CHD2: variants seen among roughly 807,000 people sequenced by gnomAD.
CHD2 encodes chromodomain helicase DNA binding protein 2, also known as ATP-dependent chromatin remodeler CHD2.
CHD2 carries 28 observed loss-of-function variants against 243.9 expected under a neutral mutation model. The observed-to-expected ratio is 0.11, with a 90% CI of 0.09 to 0.16. CHD2 has a LOEUF of 0.16. CHD2 is among the 10% of genes least tolerant of loss of function. The pLI is 1.00. For synonymous variants in CHD2, 775 were observed against 779.0 expected, an observed-to-expected ratio of 0.99 and a Z score of 0.09; for missense variants, 1,386 against 2,209.8, an observed-to-expected ratio of 0.63 and a Z score of 7.47.
intron 15 of CHD2, 80 bp downstream of exon 15, chr15:92,955,592 AG>A: frequency 1.2e-6 from 1 of 817,560 alleles, no homozygotes; most frequent in East Asian, 3.1e-5. Flanking sequence ...TGTTCTGTGG[AG>A]CATGTTAGAA....
At chr15:92,981,251 G>A in intron 23 of CHD2, 114 bp from the exon 24 acceptor site, 1 of 668,822 alleles carries the variant, frequency 1.5e-6, no homozygotes, top group Non-Finnish European at 2.6e-6. Flanking sequence ...TATCAGAAAG[G>A]AGAATTGGTT....
chr15:92,975,793 G>A (rs1376047407), intron 20 of CHD2, among the ~76,000 whole-genome samples: 1 of 152,030 alleles, frequency 6.6e-6, no homozygotes, highest in African/African-American at 2.4e-5. Context: ...ATCCTAGTTA[G>A]ACTAGTATTC....
At chr15:92,922,513 C>T (rs766694713) in intron 2 of CHD2, among the ~76,000 whole-genome samples, 3 of 152,114 alleles carry the variant, frequency 2.0e-5, no homozygotes, top group Non-Finnish European at 4.4e-5. Context: ...TGCTGTGGAT[C>T]GCATGGTGTT....
At position 92,940,806 on chromosome 15, in the gene CHD2, A is replaced by T. The variant is rs938055840; in HGVS notation, c.693-1016A>T. ...TAAAAAATATATAAATATATAAATA[A>T]ATATAAATATATATAAATATTATAA... On this transcript the variant is annotated intron_variant, in intron 7 of 38. Transcript: ENST00000394196. Among the ~76,000 whole-genome samples the T allele has an allele frequency of 5.9e-4, 85 of 143,336 alleles. No individual in the cohort carries two copies. In the East Asian group the frequency reaches 0.01, roughly 17 times the overall value. The allele number at this position is 143,336 out of a possible 152,430, so 94.0% of individuals were successfully genotyped here. A position where few individuals can be genotyped will look rare whatever the true frequency, so the allele number is the denominator to read the frequency against.
Position 93,026,296 on chromosome 15 carries a change from T to C in CHD2, c.*1591T>C, listed in dbSNP as rs1475867292. 2 of 152,666 alleles carry C rather than the reference T, an allele frequency of 1.3e-5. No individual in the cohort carries two copies. Among genetic ancestry groups the C allele is most frequent in the Non-Finnish European group, 2.9e-5 (2 of 68,052 alleles). 9.5% of individuals were successfully genotyped at this position (152,666 alleles called of 1,614,324 possible). On this transcript the variant is annotated 3_prime_UTR_variant, in exon 39 of 39. Transcript: ENST00000394196. Reference sequence around the variant, plus strand: ...TGCAGGGTTAAACTCCTGAAGTAACTTGTGAGGACTTCAGTGCTTGCTGGT... The same window carrying C: ...TGCAGGGTTAAACTCCTGAAGTAACCTGTGAGGACTTCAGTGCTTGCTGGT...
chr15:92,900,728 T>A lies in CHD2; in HGVS notation c.-168T>A, dbSNP rs879709350. ...GGTTATTTTATTTATTTTTCGTTTT[T>A]TAACGGAGGATTTTGCCTTTATTTT... is the stretch of plus-strand genomic sequence containing the variant. On this transcript the variant is annotated 5_prime_UTR_variant, in exon 1 of 39. Transcript: ENST00000394196. 1.5e-5 allele frequency: 6 copies of A among 397,614 alleles called. No homozygotes were observed. The highest frequency in any genetic ancestry group is 2.2e-5 in the Non-Finnish European group (5 of 225,928). The allele number at this position is 397,614 out of a possible 1,614,324, so 24.6% of individuals were successfully genotyped here.
intron 24 of CHD2, among the ~76,000 whole-genome samples, chr15:92,982,707 G>T (rs1412572808): frequency 6.6e-6 from 1 of 152,102 alleles, no homozygotes; most frequent in Non-Finnish European, 1.5e-5. Context: ...GAAGTGTTTG[G>T]AAGGAAGCAA....
chr15:92,971,509 G>A (rs746383095), intron 17 of CHD2, among the ~76,000 whole-genome samples: 1 of 152,140 alleles, frequency 6.6e-6, no homozygotes, highest in African/African-American at 2.4e-5. Context: ...AGAGAGAGTT[G>A]TTTTCTTCTA....
chr15:92,946,290 G>A, intron 12 of CHD2, 74 bp downstream of exon 12: 1 of 1,166,116 alleles, frequency 8.6e-7, no homozygotes, highest in Non-Finnish European at 1.2e-6. Flanking sequence ...CATATGTGCT[G>A]AGAAAATATT....
chr15:92,971,322 G>C (rs80108681), intron 17 of CHD2, among the ~76,000 whole-genome samples: 1,897 of 152,286 alleles, frequency 0.012, 39 homozygotes, highest in African/African-American at 0.044. Context: ...CTGGCACTCA[G>C]AAAGTTTTGA....
intron 16 of CHD2, among the ~76,000 whole-genome samples, chr15:92,963,009 G>A (rs1314715471): frequency 6.6e-6 from 1 of 152,100 alleles, no homozygotes; most frequent in Non-Finnish European, 1.5e-5. Flanking sequence ...ATTCGAACTG[G>A]TTACCATTTG....
rs557427051 is a variant in CHD2, at chr15:92,977,288, G to A, written c.2578-946G>A. Among the ~76,000 whole-genome samples, 96 of 152,256 alleles carry A rather than the reference G, an allele frequency of 6.3e-4. 3 individuals carry two copies. The highest frequency in any genetic ancestry group is 3.4e-3 in the Middle Eastern group (1 of 294). ...GTTTAATTAAAATTCTTGTGAAGCA[G>A]CTGTCTCCATTTTTATTTCTATGGC... On this transcript the variant is annotated intron_variant, in intron 20 of 38. Coordinates refer to ENST00000394196, the MANE Select transcript of CHD2 (RefSeq NM_001271.4).
chr15:92,951,391 G>A lies in CHD2; in HGVS notation c.1503-1966G>A, dbSNP rs374440743. Among the ~76,000 whole-genome samples, 93 of 152,076 alleles carry A rather than the reference G, an allele frequency of 6.1e-4. 1 individual carries two copies. The highest frequency in any genetic ancestry group is 2.2e-3 in the African/African-American group (92 of 41,458). ...TCACCATGTTGGCCAAGCTGGTCTT[G>A]AACTCCTGACCTCAAGTGATCTGCC... On this transcript the variant is annotated intron_variant, in intron 13 of 38. Transcript: ENST00000394196.
intron 7 of CHD2, 118 bp downstream of exon 7, chr15:92,939,836 T>C: frequency 9.0e-7 from 1 of 1,107,516 alleles, no homozygotes; most frequent in Non-Finnish European, 1.3e-6. Context: ...GCCTATGTCC[T>C]GAAGTTGTTT....
At position 92,943,085 on chromosome 15, in the gene CHD2, G is replaced by C; in HGVS notation, c.1052+17G>C. 1 of 1,580,234 alleles carries C rather than the reference G, an allele frequency of 6.3e-7. No homozygotes were observed. The highest frequency in any genetic ancestry group is 8.7e-7 in the Non-Finnish European group (1 of 1,151,238). On this transcript the variant is annotated intron_variant, in intron 9 of 38. Transcript: ENST00000394196. ...CAAACAATGGTATATTTTCCATCATGGATTAAAGAAATGTATTTGCAGCCT... is the reference window on the plus strand; with the variant it reads ...CAAACAATGGTATATTTTCCATCATCGATTAAAGAAATGTATTTGCAGCCT...
At chr15:92,909,145 T>C (rs777543746) in intron 2 of CHD2, among the ~76,000 whole-genome samples, 2 of 151,892 alleles carry the variant, frequency 1.3e-5, no homozygotes, top group Non-Finnish European at 2.9e-5. Context: ...AAAAAATGTA[T>C]ATGCAGGTGG....
intron 16 of CHD2, among the ~76,000 whole-genome samples, chr15:92,964,138 G>T (rs1244244319): frequency 3.3e-5 from 5 of 152,174 alleles, no homozygotes; most frequent in Non-Finnish European, 5.9e-5. Flanking sequence ...ATCATTCAGG[G>T]AGTCTCTTCC....
At chr15:92,941,689 A>T in intron 7 of CHD2, 133 bp from the exon 8 acceptor site, 1 of 857,964 alleles carries the variant, frequency 1.2e-6, no homozygotes, top group East Asian at 2.8e-5. Flanking sequence ...AGCCTACTGT[A>T]AATGGCAGAT....
At chr15:92,961,876 C>CTT (rs3064790) in intron 16 of CHD2, among the ~76,000 whole-genome samples, 1,339 of 78,430 alleles carry the variant, frequency 0.017, 29 homozygotes, top group Admixed American at 0.051. Context: ...TTTTTCTTCT[C>CTT]TTTTTTTTTT....
Sources: gnomAD v4.1 joint callset for allele counts (sites outside exome capture counted in the v4.1 genomes callset) on GRCh38, gnomAD v4.1.1 for gene constraint, MANE v1.5 for transcripts, NCBI Gene and HGNC (gene_info 2026-07-23, HGNC 2026-07-21) for gene names.